The following GSE1 variants were observed in gnomAD, a reference collection of about 807,000 sequenced individuals.
GSE1 encodes Gse1 coiled-coil protein.
GSE1 carries 32 observed loss-of-function variants against 112.6 expected under a neutral mutation model. The ratio of observed to expected loss-of-function variants is 0.28; its 90% CI spans 0.21 to 0.38. GSE1 has a LOEUF of 0.38. Ranked by LOEUF, GSE1 falls within the 10% of genes least tolerant of loss-of-function variation. GSE1 has a pLI of 1.00. For missense variants in GSE1, 2,348 were observed against 1,699.2 expected (o/e 1.38, Z -6.71); for synonymous variants, 1,115 against 735.6 (o/e 1.52, Z -8.35).
chr16:85,213,608 G>A (rs900501996), intron 1 of GSE1, among the ~76,000 whole-genome samples: 8 of 152,350 alleles, frequency 5.3e-5, no homozygotes, highest in East Asian at 1.9e-4. Flanking sequence ...GCTCCTGCAC[G>A]GATTGCAACA....
At chr16:85,191,120 C>T (rs547619725) in intron 1 of GSE1, among the ~76,000 whole-genome samples, 3 of 152,110 alleles carry the variant, frequency 2.0e-5, no homozygotes, top group South Asian at 4.2e-4. Flanking sequence ...ATTAGCTGGG[C>T]GTGGTGTTGT....
intron 15 of GSE1, among the ~76,000 whole-genome samples, chr16:85,671,501 C>T (rs960937502): frequency 6.6e-6 from 1 of 151,286 alleles, no homozygotes; most frequent in South Asian, 2.1e-4. Flanking sequence ...CCTGTAATCC[C>T]AGCACTTTGG....
At chr16:85,526,971 A>G (rs997262382) in intron 2 of GSE1, among the ~76,000 whole-genome samples, 20 of 152,376 alleles carry the variant, frequency 1.3e-4, no homozygotes, top group African/African-American at 4.6e-4. Flanking sequence ...TGGATGTTAA[A>G]TTAAGTTCAC....
intron 2 of GSE1, among the ~76,000 whole-genome samples, chr16:85,479,592 C>G (rs892274933): frequency 2.0e-5 from 3 of 152,212 alleles, no homozygotes; most frequent in Non-Finnish European, 4.4e-5. Context: ...GTGTGAGCCA[C>G]CGTGCCTGGC....
At chr16:85,404,824 G>A (rs1476698608) in intron 2 of GSE1, among the ~76,000 whole-genome samples, 2 of 29,928 alleles carry the variant, frequency 6.7e-5, no homozygotes, top group African/African-American at 4.7e-4. Flanking sequence ...TTACTCTCAG[G>A]CCCCCCTGGA....
chr16:85,660,869 A>T (rs937371358), intron 8 of GSE1, among the ~76,000 whole-genome samples: 2 of 151,986 alleles, frequency 1.3e-5, no homozygotes, highest in African/African-American at 4.8e-5. Context: ...TGACCTTGTG[A>T]TCCACCCTCC....
chr16:85,654,193 C>T, intron 3 of GSE1, 85 bp from the exon 4 acceptor site: 1 of 1,265,454 alleles, frequency 7.9e-7, no homozygotes, highest in Non-Finnish European at 1.1e-6. Flanking sequence ...CTAGCGCCTT[C>T]CCGTGAGTCA....
intron 2 of GSE1, among the ~76,000 whole-genome samples, chr16:85,637,195 C>T (rs1004055183): frequency 6.6e-5 from 10 of 152,232 alleles, no homozygotes; most frequent in East Asian, 1.9e-4. Context: ...CCCCAGCCCC[C>T]GGCGGCCGCT....
intron 1 of GSE1, among the ~76,000 whole-genome samples, chr16:85,603,385 C>T (rs1268149679): frequency 6.6e-6 from 1 of 152,220 alleles, no homozygotes; most frequent in Non-Finnish European, 1.5e-5. Flanking sequence ...GGGTCATCCG[C>T]ACAGCCCGAA....
At chr16:85,381,526 C>T (rs1227046073) in intron 2 of GSE1, among the ~76,000 whole-genome samples, 1 of 152,214 alleles carries the variant, frequency 6.6e-6, no homozygotes, top group Non-Finnish European at 1.5e-5. Context: ...TTAACAAGCA[C>T]ATACGTAGCT....
chr16:85,212,321 G>A (rs1177195628), intron 1 of GSE1, among the ~76,000 whole-genome samples: 50 of 152,226 alleles, frequency 3.3e-4, no homozygotes, highest in Admixed American at 3.2e-3. Context: ...CAGGAGAATC[G>A]CTTGAACCTG....
At chr16:85,651,301 C>G (rs992049565) in intron 3 of GSE1, among the ~76,000 whole-genome samples, 5 of 152,086 alleles carry the variant, frequency 3.3e-5, no homozygotes, top group South Asian at 4.2e-4. Flanking sequence ...CCCCGCTGAC[C>G]TAGTTCCCAG....
chr16:85,362,928 C>T (rs976508462), intron 2 of GSE1, among the ~76,000 whole-genome samples: 10 of 151,436 alleles, frequency 6.6e-5, no homozygotes, highest in African/African-American at 2.2e-4. Context: ...CTCTGCCTCC[C>T]AGGCTCAAGC....
At chr16:85,210,015 T>C (rs763516648) in intron 1 of GSE1, among the ~76,000 whole-genome samples, 14 of 152,234 alleles carry the variant, frequency 9.2e-5, no homozygotes, top group Non-Finnish European at 1.6e-4. Flanking sequence ...CAGTCTAAAC[T>C]ATTAGCATAA....
intron 2 of GSE1, among the ~76,000 whole-genome samples, chr16:85,531,610 C>A (rs2151183832): frequency 6.6e-6 from 1 of 152,302 alleles, no homozygotes; most frequent in South Asian, 2.1e-4. Flanking sequence ...TTCTGCCTGC[C>A]CCCCTTCCGC....
intron 2 of GSE1, among the ~76,000 whole-genome samples, chr16:85,496,720 G>A (rs577987001): frequency 1.8e-3 from 267 of 152,334 alleles, no homozygotes; most frequent in African/African-American, 6.2e-3. Flanking sequence ...GAGGGTGTGA[G>A]TGATGGTCGG....
intron 1 of GSE1, among the ~76,000 whole-genome samples, chr16:85,272,378 C>A (rs1429413641): frequency 6.6e-6 from 1 of 152,232 alleles, no homozygotes; most frequent in Non-Finnish European, 1.5e-5. Flanking sequence ...TCTTCTGTTT[C>A]TGCCCTGATT....
At chr16:85,623,331 G>A (rs576572862) in intron 1 of GSE1, among the ~76,000 whole-genome samples, 107 of 151,118 alleles carry the variant, frequency 7.1e-4, no homozygotes, top group African/African-American at 2.5e-3. Context: ...CCCCCACCTC[G>A]GCCTCCCAAA....
At chr16:85,552,224 A>G (rs1248905342), upstream of GSE1, among the ~76,000 whole-genome samples, 1 of 149,010 alleles carries the variant, frequency 6.7e-6, no homozygotes. Flanking sequence ...ACGGGGTTTC[A>G]CCGTGCTAGC....
Sources: allele counts gnomAD v4.1 joint callset (sites outside exome capture counted in the v4.1 genomes callset), GRCh38; gene constraint gnomAD v4.1.1; transcripts MANE v1.5; gene names NCBI Gene and HGNC (gene_info 2026-07-23, HGNC 2026-07-21).